HIRA: variants seen among roughly 807,000 people sequenced by gnomAD.
The protein encoded by HIRA is histone cell cycle regulator.
A neutral mutation model predicts 126.6 loss-of-function variants in HIRA; 13 were observed. The ratio of observed to expected loss-of-function variants is 0.10; its 90% confidence interval spans 0.07 to 0.16. HIRA has a LOEUF of 0.16. Among genes scored for constraint, HIRA ranks in the 10% least tolerant of loss-of-function variants. The pLI, the probability that HIRA is intolerant of heterozygous loss-of-function variation, is 1.00. For missense variants in HIRA, 834 were observed against 1,314.4 expected, an observed-to-expected ratio of 0.63 and a Z score of 5.65; for synonymous variants, 511 against 520.0, an observed-to-expected ratio of 0.98 and a Z score of 0.24.
At chr22:19,427,595 A>G (rs2089498560) in intron 1 of HIRA, among the ~76,000 whole-genome samples, 1 of 152,218 alleles carries the variant, frequency 6.6e-6, no homozygotes, top group Non-Finnish European at 1.5e-5. Context: ...CCAGCAAATT[A>G]CCCTGTTCTT....
chr22:19,390,014 T>C (rs991071974), intron 9 of HIRA, among the ~76,000 whole-genome samples: 2 of 150,072 alleles, frequency 1.3e-5, no homozygotes, highest in African/African-American at 4.9e-5. Context: ...AAAAAATTAA[T>C]GTGTGTGCAC....
chr22:19,338,756 C>T (rs191235142), intron 24 of HIRA, among the ~76,000 whole-genome samples: 16 of 152,338 alleles, frequency 1.1e-4, no homozygotes, highest in African/African-American at 3.8e-4. Context: ...ATCAGTCCAA[C>T]AGGAAAATAT....
intron 12 of HIRA, among the ~76,000 whole-genome samples, chr22:19,385,217 TG>T (rs2089115532): frequency 6.6e-6 from 1 of 152,248 alleles, no homozygotes; most frequent in African/African-American, 2.4e-5. Flanking sequence ...GGGCAGAGCC[TG>T]AAATCCACTG....
intron 5 of HIRA, among the ~76,000 whole-genome samples, chr22:19,402,870 T>C (rs1246399883): frequency 1.3e-5 from 2 of 151,464 alleles, no homozygotes; most frequent in African/African-American, 4.9e-5. Flanking sequence ...CTTTGGAAGA[T>C]GCAGGTGGGA....
intron 22 of HIRA, 83 bp from the exon 23 acceptor site, chr22:19,353,602 G>A: frequency 3.6e-6 from 5 of 1,384,564 alleles, no homozygotes; most frequent in Non-Finnish European, 4.8e-6. Context: ...AACAGGCAAG[G>A]AGCTGGCAGG....
At chr22:19,429,396 A>G (rs2089513874) in intron 1 of HIRA, among the ~76,000 whole-genome samples, 1 of 152,102 alleles carries the variant, frequency 6.6e-6, no homozygotes, top group Non-Finnish European at 1.5e-5. Flanking sequence ...TCAGCCTCCC[A>G]AAGTGCTGGG....
chr22:19,345,963 T>C (rs1426677620), intron 24 of HIRA, among the ~76,000 whole-genome samples: 1 of 152,198 alleles, frequency 6.6e-6, no homozygotes, highest in Non-Finnish European at 1.5e-5. Context: ...TCAGAGTATA[T>C]AAAGAGCTCC....
At chr22:19,350,630 A>C (rs1403447534) in intron 24 of HIRA, among the ~76,000 whole-genome samples, 5 of 152,102 alleles carry the variant, frequency 3.3e-5, no homozygotes, top group African/African-American at 1.2e-4. Context: ...GGACTGTTAC[A>C]GAAGATACTC....
intron 1 of HIRA, among the ~76,000 whole-genome samples, chr22:19,418,519 C>T (rs1294832494): frequency 6.6e-6 from 1 of 151,916 alleles, no homozygotes; most frequent in African/African-American, 2.4e-5. Context: ...GTAGTCCCAG[C>T]TACTTGGGAG....
At chr22:19,403,427 G>A (rs934867041) in intron 5 of HIRA, among the ~76,000 whole-genome samples, 3 of 152,052 alleles carry the variant, frequency 2.0e-5, no homozygotes, top group African/African-American at 7.2e-5. Flanking sequence ...GGCTAACACA[G>A]TGAAACCCTG....
rs997945426 is a variant in HIRA, at chr22:19,431,540, G to T, written c.-64C>A. 1.5e-6 allele frequency: 2 copies of T among 1,309,530 alleles called. No homozygotes were observed. Among genetic ancestry groups the T allele is most frequent in the African/African-American group, 1.6e-5 (1 of 63,934 alleles). The allele number at this position is 1,309,530 out of a possible 1,614,324, so 81.1% of individuals were successfully genotyped here. A position where few individuals can be genotyped will look rare whatever the true frequency, so the allele number is the denominator to read the frequency against. ...GGGTCCCTCAGCGCGCCCGGGCCAT[G>T]GAGCCACCGCCGCCGCTTCCTCCCG... On this transcript the variant is annotated 5_prime_UTR_variant, in exon 1 of 25. Transcript: ENST00000263208.
intron 20 of HIRA, 44 bp downstream of exon 20, chr22:19,356,185 AC>A (rs782798802): frequency 8.9e-6 from 14 of 1,564,724 alleles, no homozygotes; most frequent in Non-Finnish European, 8.8e-7. Flanking sequence ...TCAGACATGA[AC>A]TTGGGCCCCC....
At chr22:19,371,668 T>C (rs933239683) in intron 15 of HIRA, among the ~76,000 whole-genome samples, 3 of 152,242 alleles carry the variant, frequency 2.0e-5, no homozygotes, top group Non-Finnish European at 4.4e-5. Context: ...ACTGTTACTC[T>C]ACTTTCTTTA....
intron 1 of HIRA, among the ~76,000 whole-genome samples, chr22:19,419,585 A>T (rs1230257072): frequency 1.3e-5 from 2 of 152,144 alleles, no homozygotes; most frequent in African/African-American, 2.4e-5. Flanking sequence ...CCTTTATTGT[A>T]TGTCTGTCTA....
chr22:19,412,409 T>G (rs1013965365), intron 1 of HIRA, among the ~76,000 whole-genome samples: 2 of 152,184 alleles, frequency 1.3e-5, no homozygotes, highest in East Asian at 3.8e-4. Flanking sequence ...ATAATAAAAC[T>G]GTTATTGGTT....
rs534108838 is a variant in HIRA, at chr22:19,357,104, G to T, written c.2235-53C>A. 4 of 1,594,848 alleles carry T rather than the reference G, an allele frequency of 2.5e-6. No homozygotes were observed. The South Asian group carries it at 4.5e-5, about 18-fold the overall frequency. On this transcript the variant is annotated intron_variant, in intron 18 of 24. Coordinates refer to ENST00000263208, the MANE Select transcript of HIRA (RefSeq NM_003325.4). Reference sequence around the variant, plus strand: ...CATGGGGGCTGAGTGCTGCAGCCAAGACAGTAGCCCTGGAAGTGTGGGCCT... The same window carrying T: ...CATGGGGGCTGAGTGCTGCAGCCAATACAGTAGCCCTGGAAGTGTGGGCCT...
chr22:19,389,511 T>C (rs1050834863), intron 9 of HIRA, among the ~76,000 whole-genome samples: 4 of 152,128 alleles, frequency 2.6e-5, no homozygotes, highest in African/African-American at 7.2e-5. Flanking sequence ...GAGACTGCTA[T>C]GTGGGGAAGG....
intron 19 of HIRA, among the ~76,000 whole-genome samples, chr22:19,356,678 A>G (rs1171048020): frequency 3.3e-5 from 5 of 152,206 alleles, no homozygotes; most frequent in African/African-American, 9.6e-5. Flanking sequence ...TCGAGCAGGC[A>G]AGCTGCCTCC....
Position 19,330,905 on chromosome 22 carries a change from T to C in HIRA, c.*535A>G, listed in dbSNP as rs534599739. On this transcript the variant is annotated 3_prime_UTR_variant, in exon 25 of 25. Coordinates refer to ENST00000263208, the MANE Select transcript of HIRA (RefSeq NM_003325.4). ...TTCCTACAAGTGACCAATGTCCAAG[T>C]GACTTATAGGGAAATCCTGATTATC... 1 of 200,036 alleles carries C rather than the reference T, an allele frequency of 5.0e-6. No individual in the cohort carries two copies. Among genetic ancestry groups the C allele is most frequent in the South Asian group, 8.6e-5 (1 of 11,582 alleles). The allele number at this position is 200,036 out of a possible 1,614,324, so 12.4% of individuals were successfully genotyped here. A position where few individuals can be genotyped will look rare whatever the true frequency, so the allele number is the denominator to read the frequency against.
Sources: gnomAD v4.1 joint callset for allele counts (sites outside exome capture counted in the v4.1 genomes callset) on GRCh38, gnomAD v4.1.1 for gene constraint, MANE v1.5 for transcripts, NCBI Gene and HGNC (gene_info 2026-07-23, HGNC 2026-07-21) for gene names.